DPP6: variants seen among roughly 807,000 people sequenced by gnomAD.
The protein encoded by DPP6 is dipeptidyl peptidase like 6, also known as A-type potassium channel modulatory protein DPP6.
A neutral mutation model predicts 122.6 loss-of-function variants in DPP6; 69 were observed. That is an observed-to-expected ratio of 0.56 (90% CI 0.46 to 0.69). The LOEUF is 0.69. Among genes scored for constraint, DPP6 ranks in the 30% least tolerant of loss-of-function variants. The pLI is 0.00. For synonymous variants in DPP6, 418 were observed against 433.1 expected (o/e 0.97, Z 0.43); for missense variants, 928 against 1,116.9 (o/e 0.83, Z 2.41).
intron 14 of DPP6, 63 bp downstream of exon 14, chr7:154,804,018 G>C: frequency 6.4e-7 from 1 of 1,572,004 alleles, no homozygotes; most frequent in East Asian, 2.4e-5. Flanking sequence ...GTTATTTTTT[G>C]TCAATTACAC....
rs1806814400 is a variant in DPP6 at position 154,893,481 on chromosome 7, CAGAA to C, written c.*1003_*1006del. On this transcript the variant is annotated 3_prime_UTR_variant, in exon 26 of 26. Transcript: ENST00000377770. ...AAAAAAAAAAAAAAAAAAAAAAAAACAGAAAAAAGACAAAGCGTCAACTCCACCC... is the reference window on the plus strand; with the variant it reads ...AAAAAAAAAAAAAAAAAAAAAAAAACAAAAGACAAAGCGTCAACTCCACCC... 1 of 72,866 alleles carries C rather than the reference CAGAA, an allele frequency of 1.4e-5. No homozygotes were observed. The highest frequency in any genetic ancestry group is 4.6e-5 in the African/African-American group (1 of 21,688). 4.5% of individuals were successfully genotyped at this position (72,866 alleles called of 1,614,324 possible).
the DPP6 span, among the ~76,000 whole-genome samples, chr7:153,871,054 G>GC: frequency 3.9e-5 from 6 of 152,166 alleles, no homozygotes; most frequent in African/African-American, 1.4e-4. Flanking sequence ...GTGTCAGTCT[G>GC]CCCCTCCTAG....
chr7:154,474,076 G>T (rs1822519492), intron 2 of DPP6, among the ~76,000 whole-genome samples: 2 of 152,222 alleles, frequency 1.3e-5, no homozygotes, highest in South Asian at 4.1e-4. Context: ...TAGTATCACA[G>T]AAGTGAAGGT....
Position 154,315,795 on chromosome 7 carries a change from G to A in DPP6, c.244-130419G>A, listed in dbSNP as rs182489388. Among the ~76,000 whole-genome samples the A allele has an allele frequency of 2.3e-3, 353 of 152,292 alleles. 1 individual carries two copies. Among genetic ancestry groups the A allele is most frequent in the African/African-American group, 6.7e-3 (278 of 41,568 alleles). ...TGTCCTCAACCACATGGTGGCCTCA[G>A]CCTGGGATACATGACTGTGTCTTCC... is the stretch of plus-strand genomic sequence containing the variant. On this transcript the variant is annotated intron_variant, in intron 1 of 25. Transcript: ENST00000377770.
Position 154,875,822 on chromosome 7 carries a change from C to A in DPP6, c.1884-84C>A. 4 of 1,519,488 alleles carry A rather than the reference C, an allele frequency of 2.6e-6. No homozygotes were observed. The highest frequency in any genetic ancestry group is 3.5e-6 in the Non-Finnish European group (4 of 1,131,922). 94.1% of individuals were successfully genotyped at this position (1,519,488 alleles called of 1,614,324 possible). On this transcript the variant is annotated intron_variant, in intron 19 of 25. Coordinates refer to ENST00000377770, the MANE Select transcript of DPP6 (RefSeq NM_130797.4). This position sits in a 1 kb window ranked among gnomAD's most constrained non-coding sequence, Gnocchi z 4.5. ...GCCGGGTCACGGGTAAAATCCCTTA[C>A]GGGGGTCATCTGACGTGGCAGCTGC...
intron 3 of DPP6, among the ~76,000 whole-genome samples, chr7:154,515,364 A>T (rs1317679739): frequency 6.6e-6 from 1 of 152,204 alleles, no homozygotes; most frequent in African/African-American, 2.4e-5. Flanking sequence ...TTTCTACAAC[A>T]ATCAGGGTCC....
chr7:154,787,533 T>A lies in DPP6; in HGVS notation c.1137-6546T>A, dbSNP rs544997344. On this transcript the variant is annotated intron_variant, in intron 10 of 25. Coordinates refer to ENST00000377770, the MANE Select transcript of DPP6 (RefSeq NM_130797.4). ...ATTATTAGCAACTTTAAAAAATAAA[T>A]CCCCTGTCCCTATGCTTCCTTTTTA... 2.9e-4 allele frequency among the ~76,000 whole-genome samples: 44 copies of A among 152,342 alleles called. No homozygotes were observed. The Middle Eastern group carries it at 0.02, about 71-fold the overall frequency.
intron 1 of DPP6, among the ~76,000 whole-genome samples, chr7:153,961,640 C>A (rs1284046873): frequency 6.6e-6 from 1 of 151,752 alleles, no homozygotes; most frequent in Non-Finnish European, 1.5e-5. Flanking sequence ...ATTCTTATTA[C>A]ATTGTAACGT....
intron 1 of DPP6, among the ~76,000 whole-genome samples, chr7:154,214,754 A>G (rs1799910318): frequency 2.0e-5 from 3 of 152,158 alleles, no homozygotes; most frequent in South Asian, 2.1e-4. Context: ...CGTCTTTACC[A>G]AAAGTAGAAA....
chr7:154,815,302 A>G (rs1799349505), intron 16 of DPP6, among the ~76,000 whole-genome samples: 1 of 152,214 alleles, frequency 6.6e-6, no homozygotes, highest in Non-Finnish European at 1.5e-5. Context: ...TCTCTCTAGG[A>G]ATACTTCTTC....
intron 1 of DPP6, among the ~76,000 whole-genome samples, chr7:154,003,664 C>G (rs182894795): frequency 2.0e-5 from 3 of 151,732 alleles, no homozygotes; most frequent in African/African-American, 7.3e-5. Context: ...ATTGGATGAT[C>G]TGGGGTGTGC....
At chr7:153,797,376 A>G in the DPP6 span, among the ~76,000 whole-genome samples, 6 of 152,200 alleles carry the variant, frequency 3.9e-5, no homozygotes, top group African/African-American at 1.4e-4. Flanking sequence ...AGGAAAGGAG[A>G]AAAGGATGGA....
At chr7:154,872,729 G>T (rs775981385) in intron 19 of DPP6, 36 bp downstream of exon 19, 2 of 1,572,150 alleles carry the variant, frequency 1.3e-6, no homozygotes, top group East Asian at 2.4e-5. Flanking sequence ...CCTGGTGCTC[G>T]TTCTGGGGCT....
intron 1 of DPP6, among the ~76,000 whole-genome samples, chr7:154,354,681 A>G (rs1235096453): frequency 6.6e-6 from 1 of 152,184 alleles, no homozygotes; most frequent in African/African-American, 2.4e-5. Context: ...TAATTTGCCT[A>G]AGATTATGTC....
rs113026039 is a variant in DPP6, at chr7:154,724,714, G to C, written c.763-3053G>C. Among the ~76,000 whole-genome samples, 781 of 152,046 alleles carry C rather than the reference G, an allele frequency of 5.1e-3. 4 individuals carry two copies. The highest frequency in any genetic ancestry group is 0.017 in the African/African-American group (719 of 41,468). On this transcript the variant is annotated intron_variant, in intron 7 of 25. Transcript: ENST00000377770. ...TGATTCCGCTTGTATGAGGTCCCTG[G>C]AGTTGTCAGACCCCTAGAGACAGGA...
upstream of DPP6, chr7:153,886,960 G>A (rs987114457): frequency 6.6e-5 from 10 of 152,286 alleles, no homozygotes; most frequent in African/African-American, 1.9e-4. Context: ...GAGCGTGCGT[G>A]CGCCGCGCGC....
intron 3 of DPP6, among the ~76,000 whole-genome samples, chr7:154,497,434 C>T (rs1824843318): frequency 1.3e-5 from 2 of 151,792 alleles, no homozygotes; most frequent in African/African-American, 4.8e-5. Context: ...ATGGTGAAAC[C>T]CCCATCTCTA....
At chr7:154,598,322 C>A (rs1434968376) in intron 5 of DPP6, among the ~76,000 whole-genome samples, 1 of 152,166 alleles carries the variant, frequency 6.6e-6, no homozygotes, top group Non-Finnish European at 1.5e-5. Context: ...GTAAAAAAGA[C>A]AATTACTGTT....
intron 1 of DPP6, among the ~76,000 whole-genome samples, chr7:154,262,383 T>A (rs1394312784): frequency 2.0e-5 from 3 of 152,060 alleles, no homozygotes; most frequent in African/African-American, 4.8e-5. Flanking sequence ...CTGGTGTCCT[T>A]ATGAGAAGAG....
Sources: gnomAD v4.1 joint callset for allele counts (sites outside exome capture counted in the v4.1 genomes callset) on GRCh38, gnomAD v4.1.1 for gene constraint, Gnocchi (gnomAD v3.1) non-coding constraint, MANE v1.5 for transcripts, NCBI Gene and HGNC (gene_info 2026-07-23, HGNC 2026-07-21) for gene names.